JARID2: variants seen among roughly 807,000 people sequenced by gnomAD.
JARID2 encodes jumonji and AT-rich interaction domain containing 2.
Under a neutral mutation model 125.6 loss-of-function variants are expected in JARID2, and 21 were observed. The observed-to-expected ratio is 0.17, with a 90% confidence interval of 0.12 to 0.24. The LOEUF (loss-of-function observed/expected upper bound fraction) is 0.24, where lower values mean the gene tolerates loss of function less well. Among genes scored for constraint, JARID2 ranks in the 10% least tolerant of loss-of-function variants. JARID2 has a pLI of 1.00. For synonymous variants in JARID2, 736 were observed against 661.6 expected (o/e 1.11, Z -1.73); for missense variants, 1,303 against 1,639.6 (o/e 0.79, Z 3.55).
At chr6:15,468,989 A>T (rs991920711) in intron 5 of JARID2, among the ~76,000 whole-genome samples, 7 of 152,154 alleles carry the variant, frequency 4.6e-5, no homozygotes, top group African/African-American at 1.7e-4. Flanking sequence ...AAAAGACCAG[A>T]TCTACATGGG....
chr6:15,272,139 ACAG>A (rs2127355458), intron 1 of JARID2, among the ~76,000 whole-genome samples: 1 of 152,294 alleles, frequency 6.6e-6, no homozygotes, highest in Admixed American at 6.5e-5. Context: ...AAACGAAAAA[ACAG>A]CAGAAAAACA....
At chr6:15,246,736 A>G in intron 1 of JARID2, 152 bp downstream of exon 1, 1 of 720,602 alleles carries the variant, frequency 1.4e-6, no homozygotes, top group Non-Finnish European at 2.4e-6. Context: ...TTTTCAAGCA[A>G]AGTGGTGTCT....
intron 1 of JARID2, among the ~76,000 whole-genome samples, chr6:15,353,481 A>G (rs1190826594): frequency 6.6e-6 from 1 of 152,216 alleles, no homozygotes; most frequent in Non-Finnish European, 1.5e-5. Context: ...GTTATTTAGG[A>G]AAAAATATCA....
chr6:15,447,018 T>C (rs1290249172), intron 3 of JARID2, among the ~76,000 whole-genome samples: 1 of 152,208 alleles, frequency 6.6e-6, no homozygotes, highest in African/African-American at 2.4e-5. Flanking sequence ...TCCTTGAACA[T>C]AACAAAGTGA....
In JARID2 at chr6:15,272,040, G is replaced by A. The variant is rs148547930; in HGVS notation, c.45+25456G>A. Reference sequence around the variant, plus strand: ...CAGGAGAGGTTGAGGCATGAGAATCGCTTGAACCCAGGAAGTGGAGGTTGC... The same window carrying A: ...CAGGAGAGGTTGAGGCATGAGAATCACTTGAACCCAGGAAGTGGAGGTTGC... On this transcript the variant is annotated intron_variant, in intron 1 of 17. Coordinates refer to ENST00000341776, the MANE Select transcript of JARID2 (RefSeq NM_004973.4). Among the ~76,000 whole-genome samples the A allele has an allele frequency of 2.6e-5, 4 of 152,126 alleles. No homozygotes were observed. In the East Asian group the frequency reaches 7.8e-4, roughly 29 times the overall value.
At chr6:15,405,443 T>C (rs1765610986) in intron 2 of JARID2, among the ~76,000 whole-genome samples, 1 of 152,226 alleles carries the variant, frequency 6.6e-6, no homozygotes, top group African/African-American at 2.4e-5. Context: ...GGTGACTAGC[T>C]GAGGTTGCAG....
rs144177095 is a variant in JARID2 at position 15,428,387 on chromosome 6, A to T, written c.323+18022A>T. Among the ~76,000 whole-genome samples the T allele has an allele frequency of 4.5e-3, 685 of 152,224 alleles. 4 individuals are homozygous for T. The highest frequency in any genetic ancestry group is 0.015 in the African/African-American group (641 of 41,520). ...TGCACCCATTAACTCATCATTTAGC[A>T]TTAGGTATGTCTCCTAATGCTATCC... On this transcript the variant is annotated intron_variant, in intron 3 of 17. Coordinates refer to ENST00000341776, the MANE Select transcript of JARID2 (RefSeq NM_004973.4).
chr6:15,400,695 A>C (rs939682660), intron 2 of JARID2: 2 of 528,602 alleles, frequency 3.8e-6, no homozygotes, highest in African/African-American at 4.1e-5. Context: ...AGCCAGCCGG[A>C]GACCCCTCCT....
At chr6:15,479,737 G>A (rs924245438) in intron 5 of JARID2, among the ~76,000 whole-genome samples, 4 of 152,196 alleles carry the variant, frequency 2.6e-5, no homozygotes, top group African/African-American at 4.8e-5. Flanking sequence ...TTCCCTGTGC[G>A]AGTGAGCTGC....
intron 3 of JARID2, among the ~76,000 whole-genome samples, chr6:15,417,547 G>A (rs1766287180): frequency 1.3e-5 from 2 of 152,152 alleles, no homozygotes; most frequent in Admixed American, 6.5e-5. Flanking sequence ...AGAGACCTGC[G>A]TGGGCAATAT....
chr6:15,452,115 T>G lies in JARID2; in HGVS notation c.433T>G (p.Ser145Ala). The G allele has an allele frequency of 1.2e-6, 2 of 1,614,152 alleles. No homozygotes were observed. Among genetic ancestry groups the G allele is most frequent in the Non-Finnish European group, 1.7e-6 (2 of 1,180,020 alleles). ...GCTACCCCCTCCAGCTACTCAGATA[T>G]CAGACCTCTCTAAAAGGAAGCCTAA... ...PLLPPPATQI[S>A]DLSKRKPKTE... Residue 145 changes from serine to alanine, a missense_variant, in exon 4 of 18, where the codon TCA (serine) becomes GCA (alanine). This residue lies in a region of JARID2 where 42 missense variants were observed against 35.7 expected (regional missense o/e 1.18). Transcript: ENST00000341776.
intron 2 of JARID2, among the ~76,000 whole-genome samples, chr6:15,386,297 T>C (rs1764783815): frequency 6.9e-6 from 1 of 145,850 alleles, no homozygotes. Context: ...TCTCCCTCTC[T>C]CTACTTCTGT....
chr6:15,512,101 CTT>C, intron 13 of JARID2, 105 bp from the exon 14 acceptor site: 1 of 890,366 alleles, frequency 1.1e-6, no homozygotes. Context: ...ATAAAACAAT[CTT>C]ATCTCCTTGA....
chr6:15,262,151 G>T (rs1759907331), intron 1 of JARID2, among the ~76,000 whole-genome samples: 1 of 122,158 alleles, frequency 8.2e-6, no homozygotes, highest in East Asian at 2.4e-4. Context: ...AGAATCTCAT[G>T]CCTTTTTTTT....
intron 1 of JARID2, among the ~76,000 whole-genome samples, chr6:15,257,584 G>C (rs1457719787): frequency 2.0e-5 from 3 of 152,178 alleles, no homozygotes; most frequent in Admixed American, 6.5e-5. Context: ...CATGCAGCCT[G>C]CTTTGCACGT....
rs1430343212 is a variant in JARID2, at chr6:15,521,725, A to G, written c.*1474A>G. ...CAGTGGTGACTGCCAGGAACGTCCT[A>G]TGATCCACTTTGTTGGTTGTTGTTG... is the stretch of plus-strand genomic sequence containing the variant. On this transcript the variant is annotated 3_prime_UTR_variant, in exon 18 of 18. Coordinates refer to ENST00000341776, the MANE Select transcript of JARID2 (RefSeq NM_004973.4). The G allele has an allele frequency of 2.0e-5, 3 of 152,208 alleles. No homozygotes were observed. Among genetic ancestry groups the G allele is most frequent in the South Asian group, 2.1e-4 (1 of 4,828 alleles). 9.4% of individuals were successfully genotyped at this position (152,208 alleles called of 1,614,324 possible).
At chr6:15,395,427 G>A (rs1021006721) in intron 2 of JARID2, among the ~76,000 whole-genome samples, 4 of 151,958 alleles carry the variant, frequency 2.6e-5, no homozygotes, top group Admixed American at 6.6e-5. Flanking sequence ...CACTGTGCCC[G>A]GCTAAGTTTT....
intron 3 of JARID2, among the ~76,000 whole-genome samples, chr6:15,428,008 C>G (rs748499221): frequency 6.6e-6 from 1 of 152,068 alleles, no homozygotes; most frequent in Non-Finnish European, 1.5e-5. Context: ...TTACTACTGT[C>G]GCCGTATACT....
intron 1 of JARID2, among the ~76,000 whole-genome samples, chr6:15,276,527 C>T (rs1760528327): frequency 6.6e-6 from 1 of 152,188 alleles, no homozygotes. Context: ...CTGGAATAGT[C>T]CTTCCAGCTC....
Sources: gnomAD v4.1 joint callset for allele counts (sites outside exome capture counted in the v4.1 genomes callset) on GRCh38, gnomAD v4.1.1 for gene constraint, gnomAD v4.1.1 regional missense constraint, MANE v1.5 for transcripts, NCBI Gene and HGNC (gene_info 2026-07-23, HGNC 2026-07-21) for gene names.